Variants in CSMD3 observed in about 807,000 individuals in gnomAD.
CSMD3 encodes the protein CUB and sushi domain-containing protein 3.
Under a neutral mutation model 435.2 loss-of-function variants are expected in CSMD3, and 177 were observed. The ratio of observed to expected loss-of-function variants is 0.41; its 90% CI spans 0.36 to 0.46. The LOEUF is 0.46. CSMD3 is among the 20% of genes least tolerant of loss of function. The probability of loss-of-function intolerance (pLI) is 0.34; values close to 1 mark genes in which losing one functional copy is unlikely to be tolerated. For missense variants in CSMD3, 4,265 were observed against 4,504.6 expected (o/e 0.95, Z 1.52); for synonymous variants, 1,656 against 1,520.5 (o/e 1.09, Z -2.07).
At chr8:112,423,068 T>A (rs1468289912) in intron 32 of CSMD3, among the ~76,000 whole-genome samples, 4 of 152,150 alleles carry the variant, frequency 2.6e-5, no homozygotes, top group Non-Finnish European at 4.4e-5. Flanking sequence ...AAGGAACACA[T>A]TGATTTGCAC....
At chr8:113,253,855 A>T (rs978229061) in intron 3 of CSMD3, among the ~76,000 whole-genome samples, 2 of 152,050 alleles carry the variant, frequency 1.3e-5, no homozygotes, top group African/African-American at 2.4e-5. Context: ...AAAAAAAAGA[A>T]AAGAAAAGAA....
At chr8:112,552,513 T>G (rs1827774264) in intron 26 of CSMD3, 81 bp downstream of exon 26, 5 of 1,364,610 alleles carry the variant, frequency 3.7e-6, no homozygotes, top group Admixed American at 1.8e-5. Flanking sequence ...AAAAATGAAA[T>G]AAATGGATAT....
At chr8:112,535,692 A>G (rs1308002699) in intron 27 of CSMD3, among the ~76,000 whole-genome samples, 1 of 152,152 alleles carries the variant, frequency 6.6e-6, no homozygotes, top group African/African-American at 2.4e-5. Flanking sequence ...ATATGGAACC[A>G]AAAAAGAGCC....
intron 37 of CSMD3, 59 bp downstream of exon 37, chr8:112,383,508 A>T (rs1261260068): frequency 3.0e-6 from 3 of 992,906 alleles, no homozygotes; most frequent in African/African-American, 3.3e-5. Flanking sequence ...TAGCTCTTTA[A>T]TTTTTTTTAT....
At chr8:112,291,456 T>C in intron 56 of CSMD3, 54 bp downstream of exon 56, 1 of 1,173,188 alleles carries the variant, frequency 8.5e-7, no homozygotes, top group South Asian at 1.2e-5. Flanking sequence ...ATGATAAACA[T>C]TCCTATGGTT....
rs190950386 is a variant in CSMD3, at chr8:112,290,275, G to A, written c.8975-737C>T. 7.2e-5 allele frequency among the ~76,000 whole-genome samples: 11 copies of A among 152,020 alleles called. No individual in the cohort carries two copies. The East Asian group carries it at 2.1e-3, about 29-fold the overall frequency. ...TCACATATCTCTAGAGTATCATACA[G>A]CACATGAGGACACAAAAACTTAATA... On this transcript the variant is annotated intron_variant, in intron 56 of 70. Coordinates refer to ENST00000297405, the MANE Select transcript of CSMD3 (RefSeq NM_198123.2).
At chr8:112,506,442 A>AAG (rs1822527672) in intron 29 of CSMD3, among the ~76,000 whole-genome samples, 1 of 152,148 alleles carries the variant, frequency 6.6e-6, no homozygotes, top group Non-Finnish European at 1.5e-5. Context: ...TCTTCAGGGA[A>AAG]AGAGGCTGGG....
chr8:113,267,879 C>T lies in CSMD3; in HGVS notation c.514+10713G>A, dbSNP rs925082903. Among the ~76,000 whole-genome samples the T allele has an allele frequency of 2.6e-5, 4 of 151,670 alleles. No individual in the cohort carries two copies. In the South Asian group the frequency reaches 8.3e-4, roughly 32 times the overall value. On this transcript the variant is annotated intron_variant, in intron 3 of 70. Coordinates refer to ENST00000297405, the MANE Select transcript of CSMD3 (RefSeq NM_198123.2). ...TAATTTTATTGATTATATAACTGTTCCTGATAATTATATTGTCTAACTGAT... is the reference window on the plus strand; with the variant it reads ...TAATTTTATTGATTATATAACTGTTTCTGATAATTATATTGTCTAACTGAT...
At chr8:112,982,609 A>C (rs537696684) in intron 6 of CSMD3, among the ~76,000 whole-genome samples, 1 of 152,066 alleles carries the variant, frequency 6.6e-6, no homozygotes, top group South Asian at 2.1e-4. Flanking sequence ...ATTTTATTGC[A>C]AGATGTCATG....
At chr8:112,791,669 ATTT>A (rs1179965341) in intron 13 of CSMD3, among the ~76,000 whole-genome samples, 2 of 152,100 alleles carry the variant, frequency 1.3e-5, no homozygotes, top group Non-Finnish European at 2.9e-5. Context: ...GTTTGTAGAA[ATTT>A]TAAAAAATCT....
At chr8:112,919,359 T>C (rs752974769) in intron 10 of CSMD3, among the ~76,000 whole-genome samples, 1 of 151,834 alleles carries the variant, frequency 6.6e-6, no homozygotes, top group Non-Finnish European at 1.5e-5. Context: ...TATAAAAAAA[T>C]AACAATGTAA....
At chr8:113,104,546 T>C (rs1468024837) in intron 4 of CSMD3, among the ~76,000 whole-genome samples, 1 of 152,068 alleles carries the variant, frequency 6.6e-6, no homozygotes, top group Non-Finnish European at 1.5e-5. Context: ...CCCTTTCTCA[T>C]GGAGAAGAAA....
chr8:112,965,865 A>G (rs571173224), intron 7 of CSMD3, among the ~76,000 whole-genome samples: 1 of 152,056 alleles, frequency 6.6e-6, no homozygotes, highest in South Asian at 2.1e-4. Context: ...GACAATTTCA[A>G]AAATGTGATG....
At chr8:112,706,025 ACTGTGT>A (rs1248583318) in intron 13 of CSMD3, among the ~76,000 whole-genome samples, 1 of 152,096 alleles carries the variant, frequency 6.6e-6, no homozygotes, top group Non-Finnish European at 1.5e-5. Context: ...GGGACTAGGT[ACTGTGT>A]CTGTGACAAA....
chr8:112,577,419 T>C (rs181533088), intron 23 of CSMD3, among the ~76,000 whole-genome samples: 2 of 152,212 alleles, frequency 1.3e-5, no homozygotes. Flanking sequence ...ACTAGAGCCG[T>C]AGGACTTTTA....
intron 5 of CSMD3, among the ~76,000 whole-genome samples, chr8:113,041,216 A>G (rs1458819101): frequency 4.2e-5 from 1 of 23,784 alleles, no homozygotes; most frequent in Non-Finnish European, 8.2e-5. Flanking sequence ...AAAAAAAAAA[A>G]AGGGGGGGGT....
intron 5 of CSMD3, among the ~76,000 whole-genome samples, chr8:113,086,961 G>A (rs942369354): frequency 6.6e-6 from 1 of 152,188 alleles, no homozygotes; most frequent in African/African-American, 2.4e-5. Context: ...TGTCAGCTAA[G>A]TCATCTCTTT....
At chr8:112,877,656 A>G (rs2081325932) in intron 10 of CSMD3, among the ~76,000 whole-genome samples, 1 of 152,174 alleles carries the variant, frequency 6.6e-6, no homozygotes, top group Admixed American at 6.5e-5. Flanking sequence ...ACACTACCTG[A>G]CTTCAAACTA....
chr8:112,808,913 A>G (rs1050541510), intron 12 of CSMD3, among the ~76,000 whole-genome samples: 5 of 151,934 alleles, frequency 3.3e-5, no homozygotes, highest in Admixed American at 6.6e-5. Context: ...CATTATTATC[A>G]CTGTCACCTA....
Sources: gnomAD v4.1 joint callset for allele counts (sites outside exome capture counted in the v4.1 genomes callset) on GRCh38, gnomAD v4.1.1 for gene constraint, MANE v1.5 for transcripts, NCBI Gene and HGNC (gene_info 2026-07-23, HGNC 2026-07-21) for gene names.